The following ATP23 variants were observed in gnomAD, a reference collection of about 807,000 sequenced individuals.
ATP23 encodes ATP23 metallopeptidase and ATP synthase assembly factor homolog, also known as mitochondrial inner membrane protease ATP23 homolog.
ATP23 carries 24 observed loss-of-function variants against 28.5 expected under a neutral mutation model. The observed-to-expected ratio is 0.84, with a 90% confidence interval of 0.61 to 1.18. The LOEUF (loss-of-function observed/expected upper bound fraction) is 1.18, where lower values mean the gene tolerates loss of function less well. Among genes scored for constraint, ATP23 ranks in the 50% most tolerant of loss-of-function variants. The pLI is 0.00. For missense variants in ATP23, 274 were observed against 306.4 expected (o/e 0.89, Z 0.79); for synonymous variants, 99 against 108.6 (o/e 0.91, Z 0.55).
chr12:57,945,711 G>A, intron 2 of ATP23, 38 bp downstream of exon 2: 1 of 1,604,442 alleles, frequency 6.2e-7, no homozygotes, highest in South Asian at 1.1e-5. Context: ...CTGAGGTCTG[G>A]CTGCTGAAAA....
chr12:57,953,668 T>G lies in ATP23; in HGVS notation c.516T>G (p.Phe172Leu). ...TCAATGAAATATTCAGGTTACATTT[T>G]GGATTAAAACAACACCACCAGGTAA... ...SLVNEIFRLHFGLKQHHQTCV... is the reference protein window; with the variant it reads ...SLVNEIFRLHLGLKQHHQTCV... The change falls in exon 5 of 6, where the codon TTT becomes TTG. Residue 172 changes from phenylalanine (F) to leucine (L), a missense_variant. Physicochemically the swap from Phe to Leu is conservative, Grantham distance 22 (BLOSUM62 0). Transcript: ENST00000300145. 6.2e-7 allele frequency: 1 copy of G among 1,614,168 alleles called. No homozygotes were observed. The highest frequency in any genetic ancestry group is 1.1e-5 in the South Asian group (1 of 91,080).
At chr12:57,952,826 A>G (rs1956828270) in intron 4 of ATP23, among the ~76,000 whole-genome samples, 1 of 152,220 alleles carries the variant, frequency 6.6e-6, no homozygotes, top group African/African-American at 2.4e-5. Flanking sequence ...AGGCCATAAT[A>G]TTGAAGAAGG....
rs1038747155 is a variant in ATP23, at chr12:57,941,685, C to T, written c.-17C>T. The T allele has an allele frequency of 2.5e-6, 4 of 1,600,884 alleles. No individual in the cohort carries two copies. In the South Asian group the frequency reaches 4.4e-5, roughly 18 times the overall value. ...CGCCTGAGCCAGGAGGAAGCAGCGG[C>T]GAGGTCTGCGGGAGGCATGGCGGGA... On this transcript the variant is annotated 5_prime_UTR_variant, in exon 1 of 6. Transcript: ENST00000300145.
chr12:57,952,694 A>G (rs888393978), intron 4 of ATP23, among the ~76,000 whole-genome samples: 1 of 152,174 alleles, frequency 6.6e-6, no homozygotes, highest in Non-Finnish European at 1.5e-5. Flanking sequence ...TATAATTCCA[A>G]TTATTTGGAG....
intron 1 of ATP23, among the ~76,000 whole-genome samples, chr12:57,942,863 C>T (rs978088947): frequency 2.0e-5 from 3 of 152,174 alleles, no homozygotes; most frequent in African/African-American, 4.8e-5. Flanking sequence ...TCTCTCCCGT[C>T]CCAGAGACAT....
intron 5 of ATP23, among the ~76,000 whole-genome samples, chr12:57,953,990 C>T (rs1003639423): frequency 1.3e-5 from 2 of 151,854 alleles, no homozygotes; most frequent in African/African-American, 2.4e-5. Flanking sequence ...GTCAGGAGAT[C>T]GAGACCAGCG....
intron 1 of ATP23, 50 bp from the exon 2 acceptor site, chr12:57,945,578 T>A: frequency 6.6e-7 from 1 of 1,509,154 alleles, no homozygotes; most frequent in East Asian, 2.3e-5. Flanking sequence ...TTGGGTAGTT[T>A]AATTGGTGCT....
rs749580977 is a variant in ATP23, at chr12:57,941,829, C to G, written c.128C>G (p.Ser43Cys). 2 of 1,612,922 alleles carry G rather than the reference C, an allele frequency of 1.2e-6. No individual in the cohort carries two copies. The highest frequency in any genetic ancestry group is 1.7e-6 in the Non-Finnish European group (2 of 1,179,586). ...AQGNPQQGFF[S>C]SFFTSNQKCQ... ...GGGAATCCCCAGCAAGGGTTCTTCT[C>G]CAGCTTCTTCACCAGCAACCAGAAG... is the stretch of plus-strand genomic sequence containing the variant. Residue 43 changes from serine to cysteine, a missense_variant, in exon 1 of 6, where the codon TCC (serine) becomes TGC (cysteine). Coordinates refer to ENST00000300145, the MANE Select transcript of ATP23 (RefSeq NM_033276.4).
intron 3 of ATP23, 100 bp downstream of exon 3, chr12:57,947,176 T>C: frequency 8.8e-7 from 1 of 1,132,238 alleles, no homozygotes; most frequent in South Asian, 1.4e-5. Context: ...GTAGACTTTA[T>C]GTAGGACTAA....
chr12:57,953,074 A>C (rs1385293339), intron 4 of ATP23, among the ~76,000 whole-genome samples: 1 of 152,226 alleles, frequency 6.6e-6, no homozygotes, highest in Non-Finnish European at 1.5e-5. Flanking sequence ...GAGGAAGGTC[A>C]TGAACTTATA....
Position 57,941,619 on chromosome 12 carries a change from G to T in ATP23, c.-83G>T, listed in dbSNP as rs1224302996. The T allele has an allele frequency of 6.0e-6, 9 of 1,510,196 alleles. No individual in the cohort carries two copies. The African/African-American group carries it at 1.1e-4, about 19-fold the overall frequency. 93.5% of individuals were successfully genotyped at this position (1,510,196 alleles called of 1,614,324 possible). A position where few individuals can be genotyped will look rare whatever the true frequency, so the allele number is the denominator to read the frequency against. ...GCGGAGGGAGGGCCTGGGCGGTCGC[G>T]TTGGCGGGAGGGAGGTTACCTTTCC... On this transcript the variant is annotated 5_prime_UTR_variant, in exon 1 of 6. Coordinates refer to ENST00000300145, the MANE Select transcript of ATP23 (RefSeq NM_033276.4).
rs1483022111 is a variant in ATP23, at chr12:57,958,451, A to T, written c.*1561A>T. On this transcript the variant is annotated 3_prime_UTR_variant, in exon 6 of 6. Transcript: ENST00000300145. ...CAGCACAAAAATAGAGCCTTCAACC[A>T]CCAAAGCTAAGAACCCTCATGGAGT... Among the ~76,000 whole-genome samples, 1 of 152,128 alleles carries T rather than the reference A, an allele frequency of 6.6e-6. No individual in the cohort carries two copies. The highest frequency in any genetic ancestry group is 1.9e-4 in the East Asian group (1 of 5,172).
In ATP23 at chr12:57,941,621, T is replaced by A; in HGVS notation, c.-81T>A. The A allele has an allele frequency of 6.6e-7, 1 of 1,519,334 alleles. No individual in the cohort carries two copies. 94.1% of individuals were successfully genotyped at this position (1,519,334 alleles called of 1,614,324 possible). ...GGAGGGAGGGCCTGGGCGGTCGCGTTGGCGGGAGGGAGGTTACCTTTCCCA... is the reference window on the plus strand; with the variant it reads ...GGAGGGAGGGCCTGGGCGGTCGCGTAGGCGGGAGGGAGGTTACCTTTCCCA... On this transcript the variant is annotated 5_prime_UTR_variant, in exon 1 of 6. Transcript: ENST00000300145.
In ATP23 at chr12:57,956,812, G is replaced by A. The variant is rs1956872236; in HGVS notation, c.663G>A (p.Arg221=). 6.2e-7 allele frequency: 1 copy of A among 1,613,766 alleles called. No individual in the cohort carries two copies. Among genetic ancestry groups the A allele is most frequent in the Non-Finnish European group, 8.5e-7 (1 of 1,179,936 alleles). The change falls in exon 6 of 6, where the codon AGG becomes AGA. Residue 221 remains arginine, a synonymous_variant. Coordinates refer to ENST00000300145, the MANE Select transcript of ATP23 (RefSeq NM_033276.4). ...SCFNDHEPFG[R]IPHNKTYARY... is the part of the protein sequence containing the mutation. ...TCAATGACCATGAACCTTTTGGAAGGATCCCACATAACAAGACTTATGCAA... is the reference window on the plus strand; with the variant it reads ...TCAATGACCATGAACCTTTTGGAAGAATCCCACATAACAAGACTTATGCAA...
At position 57,953,681 on chromosome 12, in the gene ATP23, C is replaced by T. The variant is rs755512872; in HGVS notation, c.529C>T (p.His177Tyr). Residue 177 changes from histidine to tyrosine, a missense_variant, in exon 5 of 6, where the codon CAC (histidine) becomes TAC (tyrosine). Transcript: ENST00000300145. The part of the protein sequence containing the change: ...IFRLHFGLKQ[H>Y]HQTCVRDRAT... ...CAGGTTACATTTTGGATTAAAACAA[C>T]ACCACCAGGTAAAAACTAATATGAA... The T allele has an allele frequency of 9.9e-6, 16 of 1,613,618 alleles. No homozygotes were observed. The highest frequency in any genetic ancestry group is 2.2e-5 in the East Asian group (1 of 44,868).
intron 5 of ATP23, among the ~76,000 whole-genome samples, chr12:57,955,795 A>G (rs968828044): frequency 8.5e-5 from 13 of 152,210 alleles, no homozygotes; most frequent in Admixed American, 7.9e-4. Context: ...GAGAAACACT[A>G]TATTCCAATG....
At position 57,956,729 on chromosome 12, in the gene ATP23, A is replaced by G; in HGVS notation, c.580A>G (p.Arg194Gly). The change falls in exon 6 of 6, where the codon AGG becomes GGG. Residue 194 changes from arginine to glycine, a missense_variant. By Grantham distance (125) the Arg-to-Gly change is moderately radical. Coordinates refer to ENST00000300145, the MANE Select transcript of ATP23 (RefSeq NM_033276.4). ...DRATLSILAV[R>G]NISKEVAKKA... ...AGCCACTCTTTCTATCCTGGCTGTT[A>G]GGAATATCAGCAAAGAAGTAGCTAA... 6.2e-7 allele frequency: 1 copy of G among 1,613,974 alleles called. No homozygotes were observed. The highest frequency in any genetic ancestry group is 8.5e-7 in the Non-Finnish European group (1 of 1,179,948).
At chr12:57,947,280 G>T (rs1253607962) in intron 3 of ATP23, among the ~76,000 whole-genome samples, 6 of 152,160 alleles carry the variant, frequency 3.9e-5, no homozygotes, top group Admixed American at 1.3e-4. Context: ...CATGAACACA[G>T]ATAATTATAA....
At chr12:57,949,293 C>A (rs1226227152) in intron 3 of ATP23, among the ~76,000 whole-genome samples, 1 of 152,068 alleles carries the variant, frequency 6.6e-6, no homozygotes, top group African/African-American at 2.4e-5. Context: ...GCTAGCTTAC[C>A]TTCCTCTACT....
Sources: gnomAD v4.1 joint callset for allele counts (sites outside exome capture counted in the v4.1 genomes callset) on GRCh38, gnomAD v4.1.1 for gene constraint, MANE v1.5 for transcripts, NCBI Gene and HGNC (gene_info 2026-07-23, HGNC 2026-07-21) for gene names.